SMOC2: variants seen among roughly 807,000 people sequenced by gnomAD.
The protein encoded by SMOC2 is SPARC-related modular calcium-binding protein 2.
In SMOC2, 39 loss-of-function variants were observed where a neutral mutation model predicts 61.4. The observed-to-expected ratio is 0.64, with a 90% CI of 0.49 to 0.83. The LOEUF is 0.83. Among genes scored for constraint, SMOC2 ranks in the 40% least tolerant of loss-of-function variants. The pLI, the probability that SMOC2 is intolerant of heterozygous loss-of-function variation, is 0.00. For synonymous variants in SMOC2, 247 were observed against 239.9 expected, an observed-to-expected ratio of 1.03 and a Z score of -0.27; for missense variants, 556 against 592.9, an observed-to-expected ratio of 0.94 and a Z score of 0.65.
intron 1 of SMOC2, among the ~76,000 whole-genome samples, chr6:168,480,497 T>C (rs1274501301): frequency 6.6e-6 from 1 of 152,078 alleles, no homozygotes; most frequent in East Asian, 1.9e-4. Flanking sequence ...CTAGAGGGAT[T>C]CAGAGGCACA....
At chr6:168,559,590 C>A (rs1393745365) in intron 7 of SMOC2, among the ~76,000 whole-genome samples, 1 of 152,072 alleles carries the variant, frequency 6.6e-6, no homozygotes, top group Non-Finnish European at 1.5e-5. Flanking sequence ...TTAATATGGC[C>A]CATGAATAAT....
intron 1 of SMOC2, among the ~76,000 whole-genome samples, chr6:168,447,565 C>G (rs1583023316): frequency 6.6e-6 from 1 of 152,146 alleles, no homozygotes; most frequent in South Asian, 2.1e-4. Flanking sequence ...CTATCCCTGC[C>G]CTAGCCCCCA....
At chr6:168,454,009 T>C (rs904922403) in intron 1 of SMOC2, among the ~76,000 whole-genome samples, 4 of 152,186 alleles carry the variant, frequency 2.6e-5, no homozygotes, top group African/African-American at 9.6e-5. Flanking sequence ...TCTCGATCTC[T>C]CTCTGTCCTT....
At chr6:168,606,998 G>C (rs1785710883) in intron 8 of SMOC2, among the ~76,000 whole-genome samples, 2 of 152,144 alleles carry the variant, frequency 1.3e-5, no homozygotes, top group African/African-American at 4.8e-5. Context: ...GGGAAGCGAG[G>C]AAAGTTGGTG....
intron 9 of SMOC2, among the ~76,000 whole-genome samples, chr6:168,610,062 T>C (rs1215825679): frequency 2.0e-5 from 3 of 152,240 alleles, no homozygotes; most frequent in African/African-American, 4.8e-5. Flanking sequence ...CACAGTCATT[T>C]GTCCAGTGAG....
intron 1 of SMOC2, among the ~76,000 whole-genome samples, chr6:168,461,043 CT>C (rs1781709996): frequency 6.6e-6 from 1 of 152,116 alleles, no homozygotes; most frequent in Non-Finnish European, 1.5e-5. Flanking sequence ...TTTTACACTG[CT>C]GATAAAGGCA....
At chr6:168,446,506 T>C (rs915332795) in intron 1 of SMOC2, among the ~76,000 whole-genome samples, 4 of 152,242 alleles carry the variant, frequency 2.6e-5, no homozygotes, top group African/African-American at 4.8e-5. Context: ...GTTTCTCCAA[T>C]TGATGGCATT....
At chr6:168,550,044 A>C (rs141573638) in intron 7 of SMOC2, among the ~76,000 whole-genome samples, 1 of 152,256 alleles carries the variant, frequency 6.6e-6, no homozygotes, top group African/African-American at 2.4e-5. Context: ...TCTTTGGTTA[A>C]TGATTTTGAC....
chr6:168,550,426 A>ATTTC (rs1784105149), intron 7 of SMOC2, among the ~76,000 whole-genome samples: 2 of 152,194 alleles, frequency 1.3e-5, no homozygotes, highest in African/African-American at 4.8e-5. Flanking sequence ...CAACCTGAAA[A>ATTTC]GGACCCTTGA....
In SMOC2 at chr6:168,503,065, C is replaced by CT. The variant is rs762736911; in HGVS notation, c.85-6820dup. 6.9e-3 allele frequency among the ~76,000 whole-genome samples: 331 copies of CT among 47,830 alleles called. 50 individuals carry two copies. The highest frequency in any genetic ancestry group is 0.017 in the East Asian group (19 of 1,118). The allele number at this position is 47,830 out of a possible 152,430, so 31.4% of individuals were successfully genotyped here. On this transcript the variant is annotated intron_variant, in intron 1 of 12. Transcript: ENST00000356284. ...ACAGGTGTGAGCCGCCGTGCCTGGCCTTTTTTTTTTTTTTTTTTTTTTTTT... is the reference window on the plus strand; with the variant it reads ...ACAGGTGTGAGCCGCCGTGCCTGGCCTTTTTTTTTTTTTTTTTTTTTTTTTT...
Position 168,468,267 on chromosome 6 carries a change from G to T in SMOC2, c.84+26813G>T, listed in dbSNP as rs745818136. On this transcript the variant is annotated intron_variant, in intron 1 of 12. Coordinates refer to ENST00000356284, the MANE Select transcript of SMOC2 (RefSeq NM_001166412.2). ...TTGCTTCCCATGGTGATCGCAGCAGGTGAGGAATGTGTATGGTCAGGGCTC... is the reference window on the plus strand; with the variant it reads ...TTGCTTCCCATGGTGATCGCAGCAGTTGAGGAATGTGTATGGTCAGGGCTC... Among the ~76,000 whole-genome samples the T allele has an allele frequency of 2.0e-5, 3 of 152,226 alleles. No homozygotes were observed. In the East Asian group the frequency reaches 5.8e-4, roughly 29 times the overall value.
At chr6:168,446,382 A>G (rs1781333469) in intron 1 of SMOC2, among the ~76,000 whole-genome samples, 1 of 152,162 alleles carries the variant, frequency 6.6e-6, no homozygotes, top group South Asian at 2.1e-4. Flanking sequence ...CAAAAACAAA[A>G]GATAAACTGT....
At chr6:168,486,279 A>C (rs946116698) in intron 1 of SMOC2, among the ~76,000 whole-genome samples, 3 of 152,136 alleles carry the variant, frequency 2.0e-5, no homozygotes, top group African/African-American at 7.2e-5. Flanking sequence ...TAGATGTCTA[A>C]ATTCTCAAGG....
intron 12 of SMOC2, chr6:168,665,296 T>A: frequency 6.5e-6 from 1 of 154,266 alleles, no homozygotes; most frequent in Non-Finnish European, 1.4e-5. Context: ...TTATAGTGCC[T>A]GCGTGGACAC....
chr6:168,497,842 G>A (rs535518962), intron 1 of SMOC2, among the ~76,000 whole-genome samples: 5 of 152,148 alleles, frequency 3.3e-5, no homozygotes, highest in Non-Finnish European at 2.9e-5. Flanking sequence ...TGTGATGATG[G>A]GGGGTGCTGA....
chr6:168,659,055 GGGGTGTGTGTGTGAGTGGT>G (rs1273251828), intron 11 of SMOC2, among the ~76,000 whole-genome samples: 364 of 68,836 alleles, frequency 5.3e-3, no homozygotes, highest in Non-Finnish European at 8.3e-3. Context: ...TGTGGCGTGT[GGGGTGTGTGTGTGAGTGGT>G]GTGTATGTAT....
chr6:168,565,318 C>G (rs191700038), intron 7 of SMOC2, among the ~76,000 whole-genome samples: 3 of 152,174 alleles, frequency 2.0e-5, no homozygotes, highest in African/African-American at 4.8e-5. Context: ...AGTCCAGGCC[C>G]GAGGTGCTGG....
intron 7 of SMOC2, among the ~76,000 whole-genome samples, chr6:168,592,370 G>A (rs370007575): frequency 0.012 from 945 of 78,976 alleles, 24 homozygotes; most frequent in Non-Finnish European, 0.016. Flanking sequence ...AGGCCTCACG[G>A]GCATCTTTCT....
Position 168,652,969 on chromosome 6 carries a change from C to T in SMOC2, c.1026C>T (p.Asp342=). ...SSSSGRLSEP[D]PSHTLEERVV... ...TTCCTTCCAGGCTCTCAGAACCCGA[C>T]CCCAGCCATACCCTAGAGGAGCGGG... Residue 342 remains aspartate (D), a synonymous_variant, in exon 11 of 13, where the codon GAC becomes GAT. Transcript: ENST00000356284. 6 of 1,613,614 alleles carry T rather than the reference C, an allele frequency of 3.7e-6. No homozygotes were observed. The highest frequency in any genetic ancestry group is 5.1e-6 in the Non-Finnish European group (6 of 1,179,846).
Sources: gnomAD v4.1 joint callset for allele counts (sites outside exome capture counted in the v4.1 genomes callset) on GRCh38, gnomAD v4.1.1 for gene constraint, MANE v1.5 for transcripts, NCBI Gene and HGNC (gene_info 2026-07-23, HGNC 2026-07-21) for gene names.